KCNAB1: variants seen among roughly 807,000 people sequenced by gnomAD.
KCNAB1 encodes potassium voltage-gated channel subfamily A regulatory beta subunit 1.
KCNAB1 carries 35 observed loss-of-function variants against 64.6 expected under a neutral mutation model. The observed-to-expected ratio is 0.54, with a 90% CI of 0.41 to 0.72. KCNAB1 has a LOEUF of 0.72. Ranked by LOEUF, KCNAB1 falls within the 30% of genes least tolerant of loss-of-function variation. The pLI, the probability that KCNAB1 is intolerant of heterozygous loss-of-function variation, is 0.00. For synonymous variants in KCNAB1, 177 were observed against 183.8 expected, an observed-to-expected ratio of 0.96 and a Z score of 0.30; for missense variants, 401 against 512.9, an observed-to-expected ratio of 0.78 and a Z score of 2.11.
At chr3:156,356,302 T>A (rs1725235951) in intron 1 of KCNAB1, among the ~76,000 whole-genome samples, 1 of 152,076 alleles carries the variant, frequency 6.6e-6, no homozygotes. Context: ...ACATAAAAAC[T>A]TTCATTCTGC....
chr3:156,263,246 C>T (rs1299393264), intron 1 of KCNAB1, among the ~76,000 whole-genome samples: 1 of 151,924 alleles, frequency 6.6e-6, no homozygotes, highest in East Asian at 1.9e-4. Flanking sequence ...TGATTTGATA[C>T]TTTCTGATAT....
At chr3:156,243,099 A>C (rs1262544766) in intron 1 of KCNAB1, among the ~76,000 whole-genome samples, 2 of 151,948 alleles carry the variant, frequency 1.3e-5, no homozygotes, top group African/African-American at 2.4e-5. Context: ...TAGGAGAGAC[A>C]GGGTTTCACC....
intron 1 of KCNAB1, among the ~76,000 whole-genome samples, chr3:156,416,100 G>A (rs796841726): frequency 3.4e-4 from 52 of 152,168 alleles, no homozygotes; most frequent in African/African-American, 1.2e-3. Flanking sequence ...GGGGATATCT[G>A]GAATCTTCCC....
At chr3:156,483,014 G>A (rs986918880) in intron 8 of KCNAB1, among the ~76,000 whole-genome samples, 3 of 152,106 alleles carry the variant, frequency 2.0e-5, no homozygotes, top group African/African-American at 7.2e-5. Context: ...AGAAGAAAGA[G>A]GGGAAGAGAT....
intron 1 of KCNAB1, among the ~76,000 whole-genome samples, chr3:156,193,572 G>A (rs2173491): frequency 0.014 from 2,107 of 152,262 alleles, 21 homozygotes; most frequent in Non-Finnish European, 0.023. Flanking sequence ...GAGGCCTCAG[G>A]AAGCTTACAA....
At chr3:156,417,513 C>T (rs1287735624) in intron 1 of KCNAB1, among the ~76,000 whole-genome samples, 2 of 152,180 alleles carry the variant, frequency 1.3e-5, no homozygotes, top group African/African-American at 4.8e-5. Flanking sequence ...TTGCAAGCTA[C>T]TTTTCTCAGC....
At chr3:156,361,155 T>C (rs1165002084) in intron 1 of KCNAB1, among the ~76,000 whole-genome samples, 1 of 152,120 alleles carries the variant, frequency 6.6e-6, no homozygotes, top group Non-Finnish European at 1.5e-5. Context: ...TCATCATTCT[T>C]CTCATCTCAG....
intron 1 of KCNAB1, among the ~76,000 whole-genome samples, chr3:156,313,895 A>G (rs928554177): frequency 6.6e-6 from 1 of 152,196 alleles, no homozygotes; most frequent in African/African-American, 2.4e-5. Flanking sequence ...GTGGCGTGAA[A>G]TTCCTTTTTT....
chr3:156,420,949 A>G (rs1228713583), intron 1 of KCNAB1, among the ~76,000 whole-genome samples: 2 of 150,168 alleles, frequency 1.3e-5, no homozygotes, highest in African/African-American at 2.4e-5. Context: ...ATATATATAC[A>G]CACACACACA....
At chr3:156,267,200 C>T (rs904965851) in intron 1 of KCNAB1, among the ~76,000 whole-genome samples, 4 of 152,058 alleles carry the variant, frequency 2.6e-5, no homozygotes, top group African/African-American at 9.7e-5. Context: ...TATTATTTTG[C>T]GGGCTGCTTT....
intron 1 of KCNAB1, among the ~76,000 whole-genome samples, chr3:156,222,580 C>T (rs1263071070): frequency 6.6e-6 from 1 of 152,112 alleles, no homozygotes; most frequent in African/African-American, 2.4e-5. Context: ...CAAATTGACT[C>T]AACAGATATA....
intron 1 of KCNAB1, among the ~76,000 whole-genome samples, chr3:156,212,526 C>T (rs190137818): frequency 1.3e-3 from 196 of 152,146 alleles, no homozygotes; most frequent in Non-Finnish European, 2.1e-3. Flanking sequence ...GGAGGTGCTC[C>T]TGGATGTTAC....
chr3:156,306,393 G>T (rs1441629268), intron 1 of KCNAB1, among the ~76,000 whole-genome samples: 1 of 152,202 alleles, frequency 6.6e-6, no homozygotes, highest in Non-Finnish European at 1.5e-5. Context: ...CTTCGAGGTT[G>T]CATGAAGAAA....
chr3:156,308,095 G>C (rs1560187042), intron 1 of KCNAB1, among the ~76,000 whole-genome samples: 1 of 152,218 alleles, frequency 6.6e-6, no homozygotes, highest in Non-Finnish European at 1.5e-5. Flanking sequence ...GTTGTGGAGG[G>C]TGCTATTGAA....
At chr3:156,136,595 G>A (rs1560102434) in intron 1 of KCNAB1, among the ~76,000 whole-genome samples, 1 of 152,168 alleles carries the variant, frequency 6.6e-6, no homozygotes, top group Non-Finnish European at 1.5e-5. Context: ...CTTAAAAAGA[G>A]AGCCTAGAGC....
chr3:156,202,085 T>C (rs959748389), intron 1 of KCNAB1, among the ~76,000 whole-genome samples: 7 of 152,104 alleles, frequency 4.6e-5, no homozygotes, highest in African/African-American at 1.7e-4. Flanking sequence ...AAGTCTCCTG[T>C]GGGAGCAAGT....
chr3:156,534,544 A>G (rs1262889191), intron 13 of KCNAB1, among the ~76,000 whole-genome samples: 1 of 151,878 alleles, frequency 6.6e-6, no homozygotes, highest in East Asian at 1.9e-4. Flanking sequence ...ACTCCCCACC[A>G]CACCTTCCTG....
chr3:156,281,133 T>C (rs1381594253), intron 1 of KCNAB1, among the ~76,000 whole-genome samples: 2 of 148,434 alleles, frequency 1.3e-5, no homozygotes, highest in East Asian at 3.9e-4. Context: ...TTTTGAAATA[T>C]GTCCCATCAA....
At chr3:156,357,692 A>G (rs1576768534) in intron 1 of KCNAB1, among the ~76,000 whole-genome samples, 1 of 151,882 alleles carries the variant, frequency 6.6e-6, no homozygotes, top group African/African-American at 2.4e-5. Flanking sequence ...CATTTTATTT[A>G]CCCACTGTAT....
Sources: allele counts gnomAD v4.1 joint callset (sites outside exome capture counted in the v4.1 genomes callset), GRCh38; gene constraint gnomAD v4.1.1; transcripts MANE v1.5; gene names NCBI Gene and HGNC (gene_info 2026-07-23, HGNC 2026-07-21).